The following ABI1 variants were observed in gnomAD, a reference collection of about 807,000 sequenced individuals.
ABI1 encodes the protein abl interactor 1, also known as Abelson interactor 1.
In ABI1, 14 loss-of-function variants were observed where a neutral mutation model predicts 54.6. That is an observed-to-expected ratio of 0.26 (90% CI 0.17 to 0.40). The LOEUF is 0.40. Ranked by LOEUF, ABI1 falls within the 10% of genes least tolerant of loss-of-function variation. ABI1 has a pLI of 1.00. For synonymous variants in ABI1, 194 were observed against 209.3 expected (o/e 0.93, Z 0.63); for missense variants, 443 against 598.3 (o/e 0.74, Z 2.71).
At chr10:26,754,541 G>A (rs375134901) in intron 9 of ABI1, among the ~76,000 whole-genome samples, 2 of 152,100 alleles carry the variant, frequency 1.3e-5, no homozygotes, top group African/African-American at 2.4e-5. Context: ...TATTCTTCCC[G>A]GAGTCTGGCA....
intron 10 of ABI1, among the ~76,000 whole-genome samples, chr10:26,749,617 C>A (rs952555371): frequency 6.6e-6 from 1 of 152,200 alleles, no homozygotes; most frequent in East Asian, 1.9e-4. Flanking sequence ...CATGTTGGAA[C>A]TCATTTTGGA....
At chr10:26,822,306 T>C (rs2048032505) in intron 2 of ABI1, among the ~76,000 whole-genome samples, 1 of 152,164 alleles carries the variant, frequency 6.6e-6, no homozygotes, top group Non-Finnish European at 1.5e-5. Context: ...AACAATTTGG[T>C]AGGTTCTTCT....
intron 2 of ABI1, among the ~76,000 whole-genome samples, chr10:26,784,898 G>A (rs1468076531): frequency 6.6e-6 from 1 of 152,154 alleles, no homozygotes; most frequent in East Asian, 1.9e-4. Context: ...TCTATATTCT[G>A]CAGTAACTAG....
chr10:26,828,918 C>A (rs956201484), intron 1 of ABI1, among the ~76,000 whole-genome samples: 1 of 152,110 alleles, frequency 6.6e-6, no homozygotes, highest in Admixed American at 6.5e-5. Flanking sequence ...TCCTTTAGTT[C>A]TAGATTTAAA....
chr10:26,765,273 A>G lies in ABI1; in HGVS notation c.765T>C (p.Ser255=), dbSNP rs1564468214. The G allele has an allele frequency of 2.5e-6, 4 of 1,596,648 alleles. No individual in the cohort carries two copies. The highest frequency in any genetic ancestry group is 2.2e-5 in the East Asian group (1 of 44,696). The change falls in exon 7 of 11, where the codon AGT becomes AGC. Residue 255 remains serine (S), a synonymous_variant. Coordinates refer to ENST00000376140, the MANE Select transcript of ABI1 (RefSeq NM_001012750.3). ...GSGSRENSGS[S]SIGIPIAVPT... ...GCACAGCAATGGGAATGCCAATACTACTGCTACCACTGTTTTCTCGACTTC... is the reference window on the plus strand; with the variant it reads ...GCACAGCAATGGGAATGCCAATACTGCTGCTACCACTGTTTTCTCGACTTC...
intron 2 of ABI1, among the ~76,000 whole-genome samples, chr10:26,805,034 G>A (rs1196605810): frequency 6.6e-6 from 1 of 152,202 alleles, no homozygotes; most frequent in African/African-American, 2.4e-5. Context: ...CTCAGACGGT[G>A]TTCCTATTAG....
chr10:26,821,238 C>T (rs1478063954), intron 2 of ABI1, among the ~76,000 whole-genome samples: 1 of 46,842 alleles, frequency 2.1e-5, no homozygotes, highest in Non-Finnish European at 3.6e-5. Context: ...GAGCAAGACT[C>T]CATCTAAAAA....
intron 2 of ABI1, among the ~76,000 whole-genome samples, chr10:26,793,984 T>C (rs962187120): frequency 1.3e-5 from 2 of 152,230 alleles, no homozygotes; most frequent in African/African-American, 4.8e-5. Flanking sequence ...GGTTCACGCC[T>C]ATAATCCCAC....
intron 1 of ABI1, among the ~76,000 whole-genome samples, chr10:26,834,510 G>A (rs1255714663): frequency 7.1e-6 from 1 of 140,854 alleles, no homozygotes; most frequent in Admixed American, 7.3e-5. Flanking sequence ...AAAGGAAAAT[G>A]GCAAAAGATC....
At chr10:26,772,561 A>G (rs1012765733) in intron 3 of ABI1, among the ~76,000 whole-genome samples, 1 of 152,176 alleles carries the variant, frequency 6.6e-6, no homozygotes, top group Admixed American at 6.5e-5. Flanking sequence ...ACTCTGTGCT[A>G]CTATGCAATG....
At chr10:26,801,268 C>A (rs1477822373) in intron 2 of ABI1, among the ~76,000 whole-genome samples, 1 of 152,120 alleles carries the variant, frequency 6.6e-6, no homozygotes, top group African/African-American at 2.4e-5. Flanking sequence ...ACCATCGTGG[C>A]CGGGCACGGT....
chr10:26,793,253 C>G (rs927023909), intron 2 of ABI1, among the ~76,000 whole-genome samples: 1 of 152,124 alleles, frequency 6.6e-6, no homozygotes, highest in African/African-American at 2.4e-5. Context: ...AGCCTTCAGC[C>G]AAGAAAGAGA....
intron 2 of ABI1, among the ~76,000 whole-genome samples, chr10:26,777,853 G>C (rs561135118): frequency 4.7e-4 from 71 of 152,222 alleles, no homozygotes; most frequent in African/African-American, 1.7e-3. Flanking sequence ...TTTATTCAGT[G>C]TGATGCAGAA....
Position 26,754,323 on chromosome 10 carries a change from A to T in ABI1, c.1084+1332T>A, listed in dbSNP as rs531205102. 1.8e-4 allele frequency among the ~76,000 whole-genome samples: 27 copies of T among 152,092 alleles called. No homozygotes were observed. In the South Asian group the frequency reaches 5.0e-3, roughly 28 times the overall value. ...TGCCACTACACCTGGCTAATTTTTT[A>T]TTTTTTTGTACAGACAGTCTTGCCA... On this transcript the variant is annotated intron_variant, in intron 9 of 10. Transcript: ENST00000376140.
At chr10:26,811,202 G>T (rs1043921588) in intron 2 of ABI1, among the ~76,000 whole-genome samples, 1 of 152,072 alleles carries the variant, frequency 6.6e-6, no homozygotes, top group Admixed American at 6.6e-5. Flanking sequence ...GTTTATCAAT[G>T]TAATAATTAA....
chr10:26,850,909 A>T (rs1403153826), intron 1 of ABI1, among the ~76,000 whole-genome samples: 1 of 152,182 alleles, frequency 6.6e-6, no homozygotes, highest in East Asian at 1.9e-4. Flanking sequence ...AGATGTGTAG[A>T]AAAGAGCCCA....
Position 26,805,089 on chromosome 10 carries a change from C to T in ABI1, c.285+18049G>A, listed in dbSNP as rs868828051. Among the ~76,000 whole-genome samples the T allele has an allele frequency of 3.9e-5, 6 of 152,250 alleles. No individual in the cohort carries two copies. The South Asian group carries it at 8.3e-4, about 21-fold the overall frequency. On this transcript the variant is annotated intron_variant, in intron 2 of 10. Coordinates refer to ENST00000376140, the MANE Select transcript of ABI1 (RefSeq NM_001012750.3). The stretch of plus-strand genomic sequence containing the variant: ...AACTGAATTCCAGGTAAGACAAACA[C>T]ATAATTGGAAAAACAAAGACGCACA...
At chr10:26,841,334 A>C (rs1344017064) in intron 1 of ABI1, among the ~76,000 whole-genome samples, 1 of 151,766 alleles carries the variant, frequency 6.6e-6, no homozygotes, top group Admixed American at 6.6e-5. Flanking sequence ...TATGGGATTC[A>C]TATAGAAAGC....
chr10:26,817,576 TA>T (rs1477791222), intron 2 of ABI1, among the ~76,000 whole-genome samples: 4 of 152,070 alleles, frequency 2.6e-5, no homozygotes, highest in South Asian at 4.2e-4. Context: ...AGTTAGTGCT[TA>T]ACAGGTACAT....
Sources: gnomAD v4.1 joint callset for allele counts (sites outside exome capture counted in the v4.1 genomes callset) on GRCh38, gnomAD v4.1.1 for gene constraint, MANE v1.5 for transcripts, NCBI Gene and HGNC (gene_info 2026-07-23, HGNC 2026-07-21) for gene names.